Variants in SLCO6A1 observed in about 807,000 individuals in gnomAD.
SLCO6A1 encodes solute carrier organic anion transporter family member 6A1.
SLCO6A1 carries 65 observed loss-of-function variants against 72.7 expected under a neutral mutation model. The ratio of observed to expected loss-of-function variants is 0.89; its 90% CI spans 0.73 to 1.10. The LOEUF is 1.10. Among genes scored for constraint, SLCO6A1 ranks in the 50% least tolerant of loss-of-function variants. The pLI is 0.00. For missense variants in SLCO6A1, 874 were observed against 872.6 expected, an observed-to-expected ratio of 1.00 and a Z score of -0.02; for synonymous variants, 314 against 298.2, an observed-to-expected ratio of 1.05 and a Z score of -0.55.
chr5:102,417,907 A>G (rs771795637), intron 8 of SLCO6A1, among the ~76,000 whole-genome samples: 5 of 152,090 alleles, frequency 3.3e-5, no homozygotes, highest in Admixed American at 6.6e-5. Context: ...AGGTGGCAGA[A>G]TCACTTGAAC....
In SLCO6A1 at chr5:102,459,761, C is replaced by G; in HGVS notation, c.916G>C (p.Gly306Arg). 1.3e-6 allele frequency: 2 copies of G among 1,569,350 alleles called. No homozygotes were observed. Among genetic ancestry groups the G allele is most frequent in the Non-Finnish European group, 1.7e-6 (2 of 1,157,502 alleles). The change falls in exon 5 of 14, where the codon GGT (glycine) becomes CGT (arginine). Residue 306 changes from glycine to arginine, a missense_variant. By Grantham distance (125) the Gly-to-Arg change is moderately radical (BLOSUM62 -2). Coordinates refer to ENST00000506729, the MANE Select transcript of SLCO6A1 (RefSeq NM_173488.5). ...CAAGTCCATAGCCATTCTGGACTAC[C>G]ATTATTGACTGTAGTGCTTTAATAA... is the stretch of plus-strand genomic sequence containing the variant. ...TSATNTTVNNGSPEWLWTWWI... is the reference protein window; with the variant it reads ...TSATNTTVNNRSPEWLWTWWI...
intron 5 of SLCO6A1, 93 bp downstream of exon 5, chr5:102,459,563 A>G: frequency 7.5e-7 from 1 of 1,338,544 alleles, no homozygotes; most frequent in Non-Finnish European, 9.9e-7. Flanking sequence ...TACTCATTTT[A>G]TTAAAAATGT....
rs548880862 is a variant in SLCO6A1, at chr5:102,498,752, C to T, written c.93G>A (p.Lys31=). The change falls in exon 1 of 14, where the codon AAG becomes AAA. Residue 31 remains lysine, a synonymous_variant. Coordinates refer to ENST00000506729, the MANE Select transcript of SLCO6A1 (RefSeq NM_173488.5). ...PLEAARAQPA[K]DRRAKGTPKS... ...TCGGGGTTCCCTTGGCCCTCCTGTC[C>T]TTAGCAGGCTGGGCCCGCGCGGCCT... 6.2e-7 allele frequency: 1 copy of T among 1,614,140 alleles called. No individual in the cohort carries two copies. Among genetic ancestry groups the T allele is most frequent in the East Asian group, 2.2e-5 (1 of 44,848 alleles).
intron 4 of SLCO6A1, among the ~76,000 whole-genome samples, chr5:102,470,452 T>A (rs10052860): frequency 0.64 from 96,636 of 151,808 alleles, 30,932 homozygotes; most frequent in African/African-American, 0.66. Context: ...TGCATAGAGA[T>A]GTTTATAGTA....
At chr5:102,378,582 T>A (rs1745930183) in intron 12 of SLCO6A1, among the ~76,000 whole-genome samples, 1 of 148,170 alleles carries the variant, frequency 6.7e-6, no homozygotes, top group Non-Finnish European at 1.5e-5. Flanking sequence ...TATATTTATA[T>A]AGCAAACCAA....
chr5:102,462,362 T>G (rs1751082105), intron 4 of SLCO6A1, among the ~76,000 whole-genome samples: 1 of 152,150 alleles, frequency 6.6e-6, no homozygotes, highest in Non-Finnish European at 1.5e-5. Context: ...CCAAGATCAT[T>G]CTTCACAGAA....
At chr5:102,481,542 A>C (rs1032448754) in intron 1 of SLCO6A1, among the ~76,000 whole-genome samples, 2 of 152,174 alleles carry the variant, frequency 1.3e-5, no homozygotes, top group Non-Finnish European at 2.9e-5. Context: ...GTGGTTTCAG[A>C]CTTCCCATTC....
At chr5:102,427,840 G>GTATATATATATATA (rs1192315166) in intron 7 of SLCO6A1, among the ~76,000 whole-genome samples, 1 of 102,750 alleles carries the variant, frequency 9.7e-6, no homozygotes, top group African/African-American at 3.5e-5. Context: ...GTGTGTGTAT[G>GTATATATATATATA]TATACATATA....
At chr5:102,377,006 G>C (rs564966332) in intron 12 of SLCO6A1, among the ~76,000 whole-genome samples, 57 of 152,134 alleles carry the variant, frequency 3.7e-4, no homozygotes, top group African/African-American at 1.3e-3. Context: ...TGTATTAAAA[G>C]TAAATAAATT....
intron 6 of SLCO6A1, among the ~76,000 whole-genome samples, chr5:102,444,414 T>C (rs1168876036): frequency 6.6e-6 from 1 of 152,156 alleles, no homozygotes; most frequent in Admixed American, 6.5e-5. Context: ...ACAAAAAGGA[T>C]GAAAACATAA....
At chr5:102,402,520 T>C (rs745701515) in intron 9 of SLCO6A1, among the ~76,000 whole-genome samples, 6 of 152,150 alleles carry the variant, frequency 3.9e-5, no homozygotes, top group Non-Finnish European at 7.4e-5. Flanking sequence ...TGCCACAGAC[T>C]GAGTAACTTA....
intron 4 of SLCO6A1, among the ~76,000 whole-genome samples, chr5:102,474,609 A>G (rs1241652940): frequency 2.0e-5 from 3 of 152,116 alleles, no homozygotes; most frequent in Admixed American, 6.6e-5. Context: ...TTTGCAGTAA[A>G]GGAAACAATT....
intron 6 of SLCO6A1, among the ~76,000 whole-genome samples, chr5:102,445,779 C>T (rs1426087661): frequency 6.6e-6 from 1 of 151,920 alleles, no homozygotes; most frequent in African/African-American, 2.4e-5. Flanking sequence ...GTTTCAATTC[C>T]ACATATAGCT....
chr5:102,466,263 G>A (rs978621539), intron 4 of SLCO6A1, among the ~76,000 whole-genome samples: 5 of 151,936 alleles, frequency 3.3e-5, no homozygotes, highest in Admixed American at 2.0e-4. Flanking sequence ...ATTTATAAGA[G>A]AAAATATACG....
At chr5:102,479,625 C>A (rs1227298561) in intron 2 of SLCO6A1, among the ~76,000 whole-genome samples, 4 of 152,066 alleles carry the variant, frequency 2.6e-5, no homozygotes, top group Admixed American at 6.6e-5. Context: ...GTCCTTACTT[C>A]TTTCACTATC....
At chr5:102,434,256 G>C (rs1749381427) in intron 7 of SLCO6A1, among the ~76,000 whole-genome samples, 1 of 152,050 alleles carries the variant, frequency 6.6e-6, no homozygotes, top group Non-Finnish European at 1.5e-5. Flanking sequence ...ACTTTGCTTA[G>C]AATTTTGGAA....
At chr5:102,412,302 C>T (rs1021912669) in intron 9 of SLCO6A1, among the ~76,000 whole-genome samples, 1 of 152,270 alleles carries the variant, frequency 6.6e-6, no homozygotes, top group East Asian at 1.9e-4. Context: ...CACACGTTCT[C>T]AGGACCTCCC....
intron 12 of SLCO6A1, among the ~76,000 whole-genome samples, chr5:102,381,135 C>T (rs956384529): frequency 6.6e-6 from 1 of 151,802 alleles, no homozygotes; most frequent in South Asian, 2.1e-4. Context: ...GTATACAATA[C>T]ATTAACTAAA....
chr5:102,401,272 C>G (rs1747384642), intron 9 of SLCO6A1, among the ~76,000 whole-genome samples: 1 of 151,886 alleles, frequency 6.6e-6, no homozygotes, highest in Non-Finnish European at 1.5e-5. Flanking sequence ...TATGCTGGAT[C>G]AGAATGAACA....
Sources: gnomAD v4.1 joint callset for allele counts (sites outside exome capture counted in the v4.1 genomes callset) on GRCh38, gnomAD v4.1.1 for gene constraint, MANE v1.5 for transcripts, NCBI Gene and HGNC (gene_info 2026-07-23, HGNC 2026-07-21) for gene names.